Variants in ATG10 observed in about 807,000 individuals in gnomAD.
ATG10 encodes autophagy related 10, also known as ubiquitin-like-conjugating enzyme ATG10.
Under a neutral mutation model 32.1 loss-of-function variants are expected in ATG10, and 30 were observed. The ratio of observed to expected loss-of-function variants is 0.94; its 90% confidence interval spans 0.70 to 1.27. ATG10 has a LOEUF of 1.27. ATG10 is among the 50% of genes most tolerant of loss of function. The pLI, the probability that ATG10 is intolerant of heterozygous loss-of-function variation, is 0.00. For synonymous variants in ATG10, 87 were observed against 91.5 expected (o/e 0.95, Z 0.28); for missense variants, 233 against 262.3 (o/e 0.89, Z 0.77).
At chr5:82,049,938 A>C (rs1289696018) in intron 2 of ATG10, among the ~76,000 whole-genome samples, 1 of 152,152 alleles carries the variant, frequency 6.6e-6, no homozygotes, top group Non-Finnish European at 1.5e-5. Context: ...TATTTCTACA[A>C]GAAAAAATAA....
intron 1 of ATG10, among the ~76,000 whole-genome samples, chr5:81,986,762 A>G (rs1761287931): frequency 6.6e-6 from 1 of 152,162 alleles, no homozygotes; most frequent in Non-Finnish European, 1.5e-5. Flanking sequence ...AACAAAAACA[A>G]GCTGGGCACT....
chr5:82,151,753 A>G (rs982448499), intron 3 of ATG10, among the ~76,000 whole-genome samples: 1 of 152,186 alleles, frequency 6.6e-6, no homozygotes, highest in Admixed American at 6.5e-5. Context: ...ATTAATGATG[A>G]CCCTTAACCT....
rs550806892 is a variant in ATG10 at position 82,082,772 on chromosome 5, A to G, written c.216+24170A>G. On this transcript the variant is annotated intron_variant, in intron 3 of 7. Coordinates refer to ENST00000282185, the MANE Select transcript of ATG10 (RefSeq NM_031482.5). ...GACTGGTGTTTTAGTAAATAGAGATATATTTATAATTTTTCCAGATAATTC... is the reference window on the plus strand; with the variant it reads ...GACTGGTGTTTTAGTAAATAGAGATGTATTTATAATTTTTCCAGATAATTC... Among the ~76,000 whole-genome samples the G allele has an allele frequency of 1.1e-3, 175 of 152,340 alleles. 2 individuals are homozygous for G. Among genetic ancestry groups the G allele is most frequent in the Admixed American group, 2.3e-3 (35 of 15,310 alleles).
rs548249064 is a variant in ATG10 at position 82,159,088 on chromosome 5, CTGT to C, written c.217-5309_217-5307del. Among the ~76,000 whole-genome samples, 17 of 152,198 alleles carry C rather than the reference CTGT, an allele frequency of 1.1e-4. No homozygotes were observed. The South Asian group carries it at 1.9e-3, about 17-fold the overall frequency. ...GTATCACTACCCTTGTGCCTTGGGG[CTGT>C]TATTACATAAAATAGGGGTTACTTG... On this transcript the variant is annotated intron_variant, in intron 3 of 7. Coordinates refer to ENST00000282185, the MANE Select transcript of ATG10 (RefSeq NM_031482.5).
chr5:82,139,198 A>T (rs577093673), intron 3 of ATG10, among the ~76,000 whole-genome samples: 113 of 142,934 alleles, frequency 7.9e-4, no homozygotes, highest in African/African-American at 2.8e-3. Flanking sequence ...ACTACAACCT[A>T]CACCTCCCAG....
chr5:81,987,062 A>G (rs1483991904), intron 1 of ATG10, among the ~76,000 whole-genome samples: 1 of 152,120 alleles, frequency 6.6e-6, no homozygotes, highest in Non-Finnish European at 1.5e-5. Context: ...AATAACAACA[A>G]CAACAAAAAT....
intron 4 of ATG10, among the ~76,000 whole-genome samples, chr5:82,174,600 A>G (rs887830147): frequency 2.6e-5 from 4 of 152,212 alleles, no homozygotes; most frequent in African/African-American, 9.6e-5. Flanking sequence ...ACTAGTAAGT[A>G]ATTAGTTACT....
chr5:82,191,083 C>T (rs1744645464), intron 5 of ATG10, among the ~76,000 whole-genome samples: 1 of 152,192 alleles, frequency 6.6e-6, no homozygotes, highest in East Asian at 1.9e-4. Flanking sequence ...TCTTAGAGTA[C>T]TCATTTCTCA....
intron 3 of ATG10, among the ~76,000 whole-genome samples, chr5:82,160,931 A>T (rs1743304818): frequency 6.6e-6 from 1 of 152,178 alleles, no homozygotes; most frequent in Non-Finnish European, 1.5e-5. Flanking sequence ...AGATCTTCAG[A>T]CTGAAATAGA....
chr5:82,236,275 C>G lies in ATG10; in HGVS notation c.454-16287C>G, dbSNP rs540793193. On this transcript the variant is annotated intron_variant, in intron 5 of 7. Transcript: ENST00000282185. ...TTATAATGGTCTTGGTGGTTATCTC[C>G]TTTTCACCCTGTGAAGTATCAGCAG... is the stretch of plus-strand genomic sequence containing the variant. 3.3e-5 allele frequency among the ~76,000 whole-genome samples: 5 copies of G among 152,172 alleles called. No homozygotes were observed. In the South Asian group the frequency reaches 1.0e-3, roughly 32 times the overall value.
chr5:81,974,347 A>C (rs1223114181), intron 1 of ATG10, among the ~76,000 whole-genome samples: 1 of 152,154 alleles, frequency 6.6e-6, no homozygotes, highest in Non-Finnish European at 1.5e-5. Flanking sequence ...TACCTGAAGG[A>C]ATCTTAATTA....
chr5:82,161,071 A>T (rs949115121), intron 3 of ATG10, among the ~76,000 whole-genome samples: 3 of 152,222 alleles, frequency 2.0e-5, no homozygotes, highest in Admixed American at 6.5e-5. Flanking sequence ...GAAGCAGAAT[A>T]TGTGTAGAAG....
chr5:82,058,004 T>C (rs929252234), intron 2 of ATG10, among the ~76,000 whole-genome samples: 25 of 152,278 alleles, frequency 1.6e-4, no homozygotes, highest in South Asian at 4.1e-4. Context: ...AAGGGCCAGT[T>C]CCTGGAGGTA....
intron 3 of ATG10, among the ~76,000 whole-genome samples, chr5:82,136,566 T>C (rs1217014862): frequency 6.6e-6 from 1 of 152,228 alleles, no homozygotes; most frequent in Non-Finnish European, 1.5e-5. Flanking sequence ...TACTCTCTTC[T>C]GGCTTGTAGG....
chr5:82,208,486 T>C (rs1253273489), intron 5 of ATG10, among the ~76,000 whole-genome samples: 1 of 152,214 alleles, frequency 6.6e-6, no homozygotes, highest in Non-Finnish European at 1.5e-5. Context: ...TATTGTTTTA[T>C]AGTATTCTAC....
intron 5 of ATG10, among the ~76,000 whole-genome samples, chr5:82,196,797 A>T (rs1268351129): frequency 1.3e-5 from 2 of 152,154 alleles, no homozygotes; most frequent in African/African-American, 4.8e-5. Flanking sequence ...GTGGCTTTAT[A>T]ACAGTCATTT....
intron 5 of ATG10, among the ~76,000 whole-genome samples, chr5:82,194,860 A>G (rs1744792487): frequency 6.6e-6 from 1 of 152,208 alleles, no homozygotes; most frequent in African/African-American, 2.4e-5. Context: ...TAGCCAGTTA[A>G]CTTGGAAACT....
At chr5:82,247,464 T>C (rs1747082932) in intron 5 of ATG10, among the ~76,000 whole-genome samples, 1 of 152,226 alleles carries the variant, frequency 6.6e-6, no homozygotes, top group Admixed American at 6.5e-5. Flanking sequence ...ACTTTTCAAC[T>C]CTAGAATTTC....
intron 2 of ATG10, among the ~76,000 whole-genome samples, chr5:82,051,458 G>C (rs1461536307): frequency 6.6e-6 from 1 of 152,128 alleles, no homozygotes; most frequent in African/African-American, 2.4e-5. Context: ...AATTAAAGAC[G>C]TGCAAATTTC....
Sources: allele counts gnomAD v4.1 joint callset (sites outside exome capture counted in the v4.1 genomes callset), GRCh38; gene constraint gnomAD v4.1.1; transcripts MANE v1.5; gene names NCBI Gene and HGNC (gene_info 2026-07-23, HGNC 2026-07-21).